COL4A3: variants seen among roughly 807,000 people sequenced by gnomAD.
COL4A3 encodes the protein collagen alpha-3(IV) chain.
In COL4A3, 135 loss-of-function variants were observed where a neutral mutation model predicts 217.4. The observed-to-expected ratio is 0.62, with a 90% CI of 0.54 to 0.72. COL4A3 has a LOEUF of 0.72. Among genes scored for constraint, COL4A3 ranks in the 30% least tolerant of loss-of-function variants. The pLI, the probability that COL4A3 is intolerant of heterozygous loss-of-function variation, is 0.00. For synonymous variants in COL4A3, 690 were observed against 736.3 expected (o/e 0.94, Z 1.02); for missense variants, 1,868 against 2,119.9 (o/e 0.88, Z 2.33).
intron 1 of COL4A3, among the ~76,000 whole-genome samples, chr2:227,223,414 C>T (rs1042393828): frequency 6.6e-6 from 1 of 151,986 alleles, no homozygotes; most frequent in African/African-American, 2.4e-5. Context: ...GAAAAATATC[C>T]CAAACATTTA....
intron 42 of COL4A3, 111 bp from the exon 43 acceptor site, chr2:227,298,571 T>C: frequency 6.9e-7 from 1 of 1,457,638 alleles, no homozygotes; most frequent in South Asian, 1.2e-5. Context: ...GGAAAGAATG[T>C]TTGTGGCAAT....
chr2:227,221,693 C>T (rs1010624849), intron 1 of COL4A3, among the ~76,000 whole-genome samples: 1 of 151,760 alleles, frequency 6.6e-6, no homozygotes, highest in African/African-American at 2.4e-5. Context: ...AATTAGTTAA[C>T]GTGTGTATTA....
At chr2:227,287,429 C>CA (rs569885253) in intron 34 of COL4A3, among the ~76,000 whole-genome samples, 2,412 of 125,988 alleles carry the variant, frequency 0.019, 31 homozygotes, top group Middle Eastern at 0.069. Flanking sequence ...GACTCCGTCT[C>CA]AAAAAAAAAA....
At chr2:227,273,252 AC>A in intron 26 of COL4A3, 135 bp downstream of exon 26, 2 of 964,296 alleles carry the variant, frequency 2.1e-6, no homozygotes, top group Non-Finnish European at 3.2e-6. Context: ...ACTCACAGAT[AC>A]CAGGAAAGAA....
At chr2:227,202,743 AAAAATAT>A (rs1282762026) in intron 1 of COL4A3, among the ~76,000 whole-genome samples, 752 of 27,200 alleles carry the variant, frequency 0.028, 30 homozygotes, top group African/African-American at 0.067. Flanking sequence ...TCTAAAAAAA[AAAAATAT>A]ATATATATAT....
At chr2:227,270,055 C>A in intron 24 of COL4A3, 75 bp downstream of exon 24, 1 of 1,301,448 alleles carries the variant, frequency 7.7e-7, no homozygotes, top group Non-Finnish European at 1.1e-6. Context: ...TTGCAACACA[C>A]TTACCAGTTT....
chr2:227,279,690 T>G lies in COL4A3; in HGVS notation c.2126-103T>G, dbSNP rs2071821972. On this transcript the variant is annotated intron_variant, in intron 28 of 51. Transcript: ENST00000396578. ...AGTTGGTTTTATTATCATTTAAATT[T>G]TCATAAAAGCATCTCTAGCTGGTTG... 6 of 797,364 alleles carry G rather than the reference T, an allele frequency of 7.5e-6. No individual in the cohort carries two copies. The East Asian group carries it at 1.7e-4, about 22-fold the overall frequency. The allele number at this position is 797,364 out of a possible 1,614,324, so 49.4% of individuals were successfully genotyped here. A position where few individuals can be genotyped will look rare whatever the true frequency, so the allele number is the denominator to read the frequency against.
intron 1 of COL4A3, among the ~76,000 whole-genome samples, chr2:227,199,137 A>G (rs915295996): frequency 2.6e-5 from 4 of 152,218 alleles, no homozygotes; most frequent in Non-Finnish European, 5.9e-5. Context: ...TCAGAGGAAC[A>G]TATTACCAGT....
At chr2:227,196,297 C>G (rs1421327719) in intron 1 of COL4A3, among the ~76,000 whole-genome samples, 1 of 151,926 alleles carries the variant, frequency 6.6e-6, no homozygotes, top group Non-Finnish European at 1.5e-5. Context: ...GGAAAATGCC[C>G]TATATAGGTG....
chr2:227,247,489 A>G, intron 7 of COL4A3, 69 bp from the exon 8 acceptor site: 1 of 1,447,194 alleles, frequency 6.9e-7, no homozygotes, highest in South Asian at 1.1e-5. Flanking sequence ...CAGAGAGGGC[A>G]GAGCAGACCG....
At chr2:227,187,926 G>T (rs1023753265) in intron 1 of COL4A3, among the ~76,000 whole-genome samples, 2 of 152,080 alleles carry the variant, frequency 1.3e-5, no homozygotes, top group Non-Finnish European at 2.9e-5. Flanking sequence ...TGTTTGTCTC[G>T]ATAGAGCTGT....
chr2:227,165,848 C>T (rs769929684), intron 1 of COL4A3, among the ~76,000 whole-genome samples: 15 of 133,522 alleles, frequency 1.1e-4, no homozygotes, highest in Non-Finnish European at 1.9e-4. Context: ...ATAGGTGAAA[C>T]TAAAGCCCTC....
intron 34 of COL4A3, among the ~76,000 whole-genome samples, chr2:227,286,361 G>A (rs1391585798): frequency 6.6e-6 from 1 of 150,410 alleles, no homozygotes; most frequent in Non-Finnish European, 1.5e-5. Flanking sequence ...GGTGGGCGGG[G>A]TGGGGAGCCT....
chr2:227,232,586 C>T (rs1296864799), intron 1 of COL4A3, among the ~76,000 whole-genome samples: 1 of 152,024 alleles, frequency 6.6e-6, no homozygotes, highest in Non-Finnish European at 1.5e-5. Flanking sequence ...GAGATGATAT[C>T]TCGGTGTAGT....
At chr2:227,295,770 A>G (rs1392411793) in intron 41 of COL4A3, among the ~76,000 whole-genome samples, 1 of 152,194 alleles carries the variant, frequency 6.6e-6, no homozygotes, top group Non-Finnish European at 1.5e-5. Flanking sequence ...ATTGTTTATT[A>G]AAGGCGACCC....
Position 227,254,656 on chromosome 2 carries a change from G to A in COL4A3, c.829G>A (p.Gly277Arg), listed in dbSNP as rs2125936315. 2 of 1,609,678 alleles carry A rather than the reference G, an allele frequency of 1.2e-6. No individual in the cohort carries two copies. Among genetic ancestry groups the A allele is most frequent in the Middle Eastern group, 1.7e-4 (1 of 6,050 alleles). Reference protein sequence around the residue: ...MGEPGPPGPSGLPGESYGSEK... With the variant: ...MGEPGPPGPSRLPGESYGSEK... ...TTTGACATGGCTCTAATTAATACAG[G>A]GACTGCCTGGAGAATCATATGGATC... Residue 277 changes from glycine to arginine, a missense_variant and splice_region_variant, in exon 15 of 52, where the codon GGA becomes AGA. Coordinates refer to ENST00000396578, the MANE Select transcript of COL4A3 (RefSeq NM_000091.5).
intron 6 of COL4A3, 138 bp from the exon 7 acceptor site, chr2:227,246,547 G>A (rs534981388): frequency 9.5e-5 from 68 of 716,520 alleles, no homozygotes; most frequent in Non-Finnish European, 1.5e-4. Context: ...TCAGCCTCAT[G>A]ACCCAGTAGC....
chr2:227,224,759 G>GA (rs35465382), intron 1 of COL4A3, among the ~76,000 whole-genome samples: 42 of 144,106 alleles, frequency 2.9e-4, no homozygotes, highest in South Asian at 2.3e-3. Context: ...CCATCTCAAA[G>GA]AAAAAAAAAA....
At chr2:227,285,870 A>G (rs1211811486) in intron 34 of COL4A3, among the ~76,000 whole-genome samples, 2 of 152,212 alleles carry the variant, frequency 1.3e-5, no homozygotes, top group African/African-American at 4.8e-5. Flanking sequence ...AGGGACACAG[A>G]TTGAAGAACA....
Sources: allele counts gnomAD v4.1 joint callset (sites outside exome capture counted in the v4.1 genomes callset), GRCh38; gene constraint gnomAD v4.1.1; transcripts MANE v1.5; gene names NCBI Gene and HGNC (gene_info 2026-07-23, HGNC 2026-07-21).